Variants in OSTF1 observed in about 807,000 individuals in gnomAD.
The protein encoded by OSTF1 is osteoclast-stimulating factor 1.
A neutral mutation model predicts 37.2 loss-of-function variants in OSTF1; 27 were observed. The ratio of observed to expected loss-of-function variants is 0.73; its 90% CI spans 0.54 to 1.00. OSTF1 has a LOEUF of 1.00. Among genes scored for constraint, OSTF1 ranks in the 50% least tolerant of loss-of-function variants. The pLI, the probability that OSTF1 is intolerant of heterozygous loss-of-function variation, is 0.00. For missense variants in OSTF1, 232 were observed against 253.8 expected, an observed-to-expected ratio of 0.91 and a Z score of 0.58; for synonymous variants, 82 against 89.2, an observed-to-expected ratio of 0.92 and a Z score of 0.46.
In OSTF1 at chr9:75,088,546, T is replaced by C. The variant is rs1278149712; in HGVS notation, c.-147T>C. On this transcript the variant is annotated 5_prime_UTR_variant, in exon 1 of 10. Coordinates refer to ENST00000346234, the MANE Select transcript of OSTF1 (RefSeq NM_012383.5). ...GGAGCCGCTCTGCCTGCGTCCGCTC[T>C]TCCCGCAGCCAAGGGTGGGCGCCGG... 1 of 840,902 alleles carries C rather than the reference T, an allele frequency of 1.2e-6. No individual in the cohort carries two copies. The highest frequency in any genetic ancestry group is 1.5e-5 in the South Asian group (1 of 65,560). The allele number at this position is 840,902 out of a possible 1,614,324, so 52.1% of individuals were successfully genotyped here. A position where few individuals can be genotyped will look rare whatever the true frequency, so the allele number is the denominator to read the frequency against.
At chr9:75,125,648 A>G (rs918576789) in intron 2 of OSTF1, among the ~76,000 whole-genome samples, 2 of 152,226 alleles carry the variant, frequency 1.3e-5, no homozygotes, top group Non-Finnish European at 2.9e-5. Flanking sequence ...GGGGGCATCA[A>G]TAATCATCAT....
chr9:75,120,239 C>CT (rs1489869348), intron 2 of OSTF1, among the ~76,000 whole-genome samples: 2 of 152,124 alleles, frequency 1.3e-5, no homozygotes, highest in Non-Finnish European at 2.9e-5. Flanking sequence ...GGTTTGGACT[C>CT]TAACGTAAGA....
chr9:75,119,718 G>A (rs946855591), intron 2 of OSTF1, among the ~76,000 whole-genome samples: 3 of 152,216 alleles, frequency 2.0e-5, no homozygotes, highest in African/African-American at 7.2e-5. Flanking sequence ...TGTAATCCCA[G>A]CACTTTGGGA....
At chr9:75,088,847 G>C (rs1824870318) in intron 1 of OSTF1, 121 bp downstream of exon 1, 6 of 926,822 alleles carry the variant, frequency 6.5e-6, no homozygotes, top group South Asian at 2.8e-5. Flanking sequence ...TTCCGAGATC[G>C]GCCCCACCGG....
At chr9:75,139,271 C>T (rs1026297351) in intron 8 of OSTF1, among the ~76,000 whole-genome samples, 4 of 151,574 alleles carry the variant, frequency 2.6e-5, no homozygotes, top group African/African-American at 4.9e-5. Flanking sequence ...TGAACACAAG[C>T]GATCCGCCTG....
chr9:75,142,107 T>G (rs1825953402), intron 9 of OSTF1, among the ~76,000 whole-genome samples: 1 of 152,176 alleles, frequency 6.6e-6, no homozygotes, highest in South Asian at 2.1e-4. Flanking sequence ...TTTTTTAACT[T>G]CAGTTTGAAT....
intron 7 of OSTF1, among the ~76,000 whole-genome samples, chr9:75,135,715 C>T (rs904293044): frequency 6.6e-6 from 1 of 152,228 alleles, no homozygotes; most frequent in Non-Finnish European, 1.5e-5. Context: ...CATGGCATAG[C>T]TGCGTTCTCT....
intron 1 of OSTF1, among the ~76,000 whole-genome samples, chr9:75,116,605 CTTTT>C (rs75110694): frequency 8.1e-6 from 1 of 122,874 alleles, no homozygotes; most frequent in Non-Finnish European, 1.7e-5. Flanking sequence ...CCAATGGGTC[CTTTT>C]TTTTTTTTTT....
chr9:75,131,783 A>G lies in OSTF1; in HGVS notation c.210A>G (p.Ala70=), dbSNP rs897386711. 2.0e-5 allele frequency: 33 copies of G among 1,613,504 alleles called. No homozygotes were observed. Among genetic ancestry groups the G allele is most frequent in the Non-Finnish European group, 2.8e-5 (33 of 1,179,618 alleles). The part of the protein sequence containing the change: ...LIPSNYVAEQ[A]ESIDNPLHEA... ...TTTTCAATCTAGTGGCTGAGCAGGC[A>G]GAATCCATTGACAATCCATTGCATG... The change falls in exon 5 of 10, where the codon GCA becomes GCG. Residue 70 remains alanine (A), a synonymous_variant. Coordinates refer to ENST00000346234, the MANE Select transcript of OSTF1 (RefSeq NM_012383.5).
At chr9:75,145,517 T>C (rs1350693856) in intron 9 of OSTF1, among the ~76,000 whole-genome samples, 1 of 152,234 alleles carries the variant, frequency 6.6e-6, no homozygotes, top group African/African-American at 2.4e-5. Context: ...ATGATGATAT[T>C]CTAATTAAAT....
chr9:75,089,677 C>T (rs1419620992), intron 1 of OSTF1, among the ~76,000 whole-genome samples: 1 of 152,170 alleles, frequency 6.6e-6, no homozygotes, highest in Non-Finnish European at 1.5e-5. Flanking sequence ...AGATAAATGG[C>T]TCCGATGTAT....
intron 1 of OSTF1, among the ~76,000 whole-genome samples, chr9:75,096,195 C>T (rs542238930): frequency 6.6e-6 from 1 of 152,178 alleles, no homozygotes; most frequent in East Asian, 1.9e-4. Context: ...CCTGGACATG[C>T]CCCCTCCTTT....
chr9:75,119,376 G>C (rs935381788), intron 2 of OSTF1, among the ~76,000 whole-genome samples: 2 of 152,172 alleles, frequency 1.3e-5, no homozygotes, highest in African/African-American at 4.8e-5. Flanking sequence ...AGAAAGGTAG[G>C]GTTTTTATTC....
At chr9:75,139,286 A>G (rs62569061) in intron 8 of OSTF1, among the ~76,000 whole-genome samples, 6,258 of 152,038 alleles carry the variant, frequency 0.041, 140 homozygotes, top group Middle Eastern at 0.065. Context: ...CGCCTGCCTC[A>G]GCCTCCCAAA....
Position 75,133,365 on chromosome 9 carries a change from A to C in OSTF1, c.322A>C (p.Thr108Pro). 6.2e-7 allele frequency: 1 copy of C among 1,611,098 alleles called. No individual in the cohort carries two copies. Among genetic ancestry groups the C allele is most frequent in the Non-Finnish European group, 8.5e-7 (1 of 1,177,428 alleles). The change falls in exon 6 of 10, where the codon ACT becomes CCT. Residue 108 changes from threonine to proline, a missense_variant. Thr to Pro is a conservative substitution (Grantham distance 38, BLOSUM62 -1). Coordinates refer to ENST00000346234, the MANE Select transcript of OSTF1 (RefSeq NM_012383.5). ...TAATGGCTTAGACAAAGCTGGAAGC[A>C]CTGCCTTATACTGGGCTTGCCACGG... ...GVNGLDKAGS[T>P]ALYWACHGGH...
chr9:75,095,085 T>C (rs1825049838), intron 1 of OSTF1, among the ~76,000 whole-genome samples: 1 of 152,170 alleles, frequency 6.6e-6, no homozygotes, highest in Non-Finnish European at 1.5e-5. Context: ...ACTTCCTGGT[T>C]CTTTTAAATA....
chr9:75,127,745 A>G, intron 3 of OSTF1, 126 bp downstream of exon 3: 1 of 539,186 alleles, frequency 1.9e-6, no homozygotes, highest in South Asian at 2.7e-5. Flanking sequence ...ATTTTAGCAC[A>G]ATTGATAGTA....
intron 3 of OSTF1, among the ~76,000 whole-genome samples, chr9:75,128,372 A>G (rs1453552137): frequency 4.7e-5 from 3 of 64,060 alleles, no homozygotes; most frequent in Non-Finnish European, 8.9e-5. Flanking sequence ...ACATATATAT[A>G]TATATATATA....
At chr9:75,131,042 A>T (rs1159995153) in intron 4 of OSTF1, among the ~76,000 whole-genome samples, 1 of 152,126 alleles carries the variant, frequency 6.6e-6, no homozygotes, top group Non-Finnish European at 1.5e-5. Flanking sequence ...AATGCTTATC[A>T]TGGCAGTTTG....
Sources: gnomAD v4.1 joint callset for allele counts (sites outside exome capture counted in the v4.1 genomes callset) on GRCh38, gnomAD v4.1.1 for gene constraint, MANE v1.5 for transcripts, NCBI Gene and HGNC (gene_info 2026-07-23, HGNC 2026-07-21) for gene names.